The following ERP44 variants were observed in gnomAD, a reference collection of about 807,000 sequenced individuals.
The protein encoded by ERP44 is endoplasmic reticulum protein 44.
ERP44 carries 25 observed loss-of-function variants against 53.4 expected under a neutral mutation model. The ratio of observed to expected loss-of-function variants is 0.47; its 90% CI spans 0.34 to 0.65. ERP44 has a LOEUF of 0.65. Ranked by LOEUF, ERP44 falls within the 30% of genes least tolerant of loss-of-function variation. ERP44 has a pLI of 0.01. For missense variants in ERP44, 338 were observed against 493.2 expected (o/e 0.69, Z 2.98); for synonymous variants, 145 against 161.2 (o/e 0.90, Z 0.76).
At chr9:100,068,424 C>T (rs1826255457) in intron 1 of ERP44, among the ~76,000 whole-genome samples, 1 of 102,386 alleles carries the variant, frequency 9.8e-6, no homozygotes, top group Non-Finnish European at 2.0e-5. Context: ...GGCCAGCCGC[C>T]CCGTCCGGGA....
intron 1 of ERP44, among the ~76,000 whole-genome samples, chr9:100,062,564 T>A (rs1045323677): frequency 6.6e-6 from 1 of 152,190 alleles, no homozygotes; most frequent in Non-Finnish European, 1.5e-5. Context: ...ATATTTACAG[T>A]GTCTACTAGG....
At position 100,042,975 on chromosome 9, in the gene ERP44, A is replaced by T. The variant is rs553386044; in HGVS notation, c.286+9442T>A. On this transcript the variant is annotated intron_variant, in intron 4 of 11. Coordinates refer to ENST00000262455, the MANE Select transcript of ERP44 (RefSeq NM_015051.3). The stretch of plus-strand genomic sequence containing the variant: ...ACAAAAAAGTAGTTTGAAAGAATCA[A>T]TAGGCCGGGCGCAGTGGCTCATGCC... Among the ~76,000 whole-genome samples the T allele has an allele frequency of 1.1e-4, 16 of 152,142 alleles. No individual in the cohort carries two copies. In the East Asian group the frequency reaches 3.1e-3, roughly 29 times the overall value.
chr9:100,060,679 C>T (rs1013450552), intron 1 of ERP44, among the ~76,000 whole-genome samples: 1 of 152,152 alleles, frequency 6.6e-6, no homozygotes, highest in Admixed American at 6.5e-5. Flanking sequence ...CAATGTGTTA[C>T]ATGAGAGGCT....
intron 4 of ERP44, among the ~76,000 whole-genome samples, chr9:100,032,150 T>C (rs1477108646): frequency 6.6e-6 from 1 of 152,084 alleles, no homozygotes; most frequent in East Asian, 1.9e-4. Context: ...GGTATAAAAA[T>C]GGGACCCTTA....
chr9:100,093,491 A>C (rs1167919274), intron 1 of ERP44, among the ~76,000 whole-genome samples: 1 of 152,186 alleles, frequency 6.6e-6, no homozygotes, highest in Admixed American at 6.5e-5. Context: ...TAAAAATACA[A>C]AAATTAGCTG....
chr9:100,034,222 T>C (rs1825826429), intron 4 of ERP44, among the ~76,000 whole-genome samples: 1 of 152,132 alleles, frequency 6.6e-6, no homozygotes, highest in Non-Finnish European at 1.5e-5. Flanking sequence ...AAAACCAAGA[T>C]GACAATGAAA....
Position 100,022,068 on chromosome 9 carries a change from C to T in ERP44, c.445G>A (p.Asp149Asn), listed in dbSNP as rs997886450. 2 of 1,613,496 alleles carry T rather than the reference C, an allele frequency of 1.2e-6. No individual in the cohort carries two copies. The highest frequency in any genetic ancestry group is 1.3e-5 in the African/African-American group (1 of 74,874). ...TCAAGAGTGGTGATTTCTGCTAAGT[C>T]CCGAATTTCTTGAATGGGGTCACTT... ...QKSDPIQEIRDLAEITTLDRS... is the reference protein window; with the variant it reads ...QKSDPIQEIRNLAEITTLDRS... The change falls in exon 5 of 12, where the codon GAC becomes AAC. Residue 149 changes from aspartate to asparagine, a missense_variant. Physicochemically the swap from Asp to Asn is conservative, Grantham distance 23. Transcript: ENST00000262455.
intron 10 of ERP44, among the ~76,000 whole-genome samples, chr9:99,999,335 G>T (rs187390200): frequency 6.6e-6 from 1 of 152,262 alleles, no homozygotes; most frequent in East Asian, 1.9e-4. Context: ...TAAGTTCATT[G>T]TCGATTCTGG....
At chr9:100,038,094 T>C (rs1415057830) in intron 4 of ERP44, among the ~76,000 whole-genome samples, 7 of 152,098 alleles carry the variant, frequency 4.6e-5, no homozygotes, top group Non-Finnish European at 4.4e-5. Flanking sequence ...AGATGTGTCC[T>C]ACAAGAAACG....
rs969659858 is a variant in ERP44, at chr9:100,078,768, G to GA, written c.58-18597dup. Among the ~76,000 whole-genome samples, 96 of 145,172 alleles carry GA rather than the reference G, an allele frequency of 6.6e-4. 1 individual carries two copies. The highest frequency in any genetic ancestry group is 2.8e-3 in the Admixed American group (41 of 14,646). On this transcript the variant is annotated intron_variant, in intron 1 of 11. Coordinates refer to ENST00000262455, the MANE Select transcript of ERP44 (RefSeq NM_015051.3). Reference sequence around the variant, plus strand: ...GACTTCATCTCAAAAAACAAAAAAAGAAAAAAAAAAGTAAAGAAAAATATC... The same window carrying GA: ...GACTTCATCTCAAAAAACAAAAAAAGAAAAAAAAAAAGTAAAGAAAAATATC...
intron 10 of ERP44, among the ~76,000 whole-genome samples, chr9:99,986,309 T>A (rs1054783917): frequency 3.3e-5 from 5 of 152,226 alleles, no homozygotes; most frequent in African/African-American, 1.2e-4. Context: ...AAGTAAAAGA[T>A]ACCTGCATTT....
At chr9:100,089,858 G>A (rs777483799) in intron 1 of ERP44, among the ~76,000 whole-genome samples, 7 of 152,092 alleles carry the variant, frequency 4.6e-5, no homozygotes, top group East Asian at 1.9e-4. Context: ...TATAGGGTTC[G>A]GTATAATCCA....
intron 1 of ERP44, among the ~76,000 whole-genome samples, chr9:100,068,555 C>T (rs1226466357): frequency 2.9e-5 from 4 of 138,398 alleles, no homozygotes; most frequent in African/African-American, 5.5e-5. Flanking sequence ...GCCGCCCCGT[C>T]GGGGAGGGAG....
intron 9 of ERP44, 42 bp from the exon 10 acceptor site, chr9:100,006,689 T>C: frequency 7.0e-7 from 1 of 1,424,780 alleles, no homozygotes; most frequent in Non-Finnish European, 9.5e-7. Context: ...TCAAATTTTC[T>C]TGAAAATATT....
chr9:99,985,948 C>G lies in ERP44; in HGVS notation c.1017-879G>C, dbSNP rs531020144. ...CTTATTCTGATGGCTTCAGGATATT[C>G]TGAGGATAATGATATATAAACTGAC... On this transcript the variant is annotated intron_variant, in intron 10 of 11. Coordinates refer to ENST00000262455, the MANE Select transcript of ERP44 (RefSeq NM_015051.3). 6.6e-5 allele frequency among the ~76,000 whole-genome samples: 10 copies of G among 152,300 alleles called. No homozygotes were observed. The South Asian group carries it at 1.0e-3, about 16-fold the overall frequency.
Position 99,980,624 on chromosome 9 carries a change from C to CATTAA in ERP44, c.*1983_*1987dup, listed in dbSNP as rs1369197675. On this transcript the variant is annotated 3_prime_UTR_variant, in exon 12 of 12. Transcript: ENST00000262455. ...AACCAAGGTCACTTTGCTTCTCATT[C>CATTAA]ATTAAATAAACGCCTGATGGTGACT... 1 of 152,228 alleles carries CATTAA rather than the reference C, an allele frequency of 6.6e-6. No homozygotes were observed. Among genetic ancestry groups the CATTAA allele is most frequent in the Non-Finnish European group, 1.5e-5 (1 of 68,058 alleles). The allele number at this position is 152,228 out of a possible 1,614,324, so 9.4% of individuals were successfully genotyped here.
At chr9:100,077,036 T>C (rs1826366097) in intron 1 of ERP44, among the ~76,000 whole-genome samples, 1 of 152,188 alleles carries the variant, frequency 6.6e-6, no homozygotes, top group Non-Finnish European at 1.5e-5. Flanking sequence ...TAAGGCACCT[T>C]TCCTCAGGGT....
chr9:100,085,378 G>A (rs955319043), intron 1 of ERP44, among the ~76,000 whole-genome samples: 1 of 152,104 alleles, frequency 6.6e-6, no homozygotes, highest in African/African-American at 2.4e-5. Flanking sequence ...CTTCATTACA[G>A]TATCTAAACT....
chr9:100,033,007 A>C (rs1825808448), intron 4 of ERP44, among the ~76,000 whole-genome samples: 1 of 152,198 alleles, frequency 6.6e-6, no homozygotes, highest in Non-Finnish European at 1.5e-5. Flanking sequence ...AATCAAGGAA[A>C]CTCTTCTTTT....
Sources: gnomAD v4.1 joint callset for allele counts (sites outside exome capture counted in the v4.1 genomes callset) on GRCh38, gnomAD v4.1.1 for gene constraint, MANE v1.5 for transcripts, NCBI Gene and HGNC (gene_info 2026-07-23, HGNC 2026-07-21) for gene names.